The following UBAP2 variants were observed in gnomAD, a reference collection of about 807,000 sequenced individuals.
UBAP2 encodes ubiquitin-associated protein 2.
A neutral mutation model predicts 139.6 loss-of-function variants in UBAP2; 75 were observed. That is an observed-to-expected ratio of 0.54 (90% CI 0.45 to 0.65). UBAP2 has a LOEUF of 0.65. Ranked by LOEUF, UBAP2 falls within the 30% of genes least tolerant of loss-of-function variation. UBAP2 has a pLI of 0.00. For synonymous variants in UBAP2, 526 were observed against 526.2 expected, an observed-to-expected ratio of 1.00 and a Z score of 0.01; for missense variants, 1,368 against 1,369.6, an observed-to-expected ratio of 1.00 and a Z score of 0.02.
rs2130849361 is a variant in UBAP2 at position 33,923,949 on chromosome 9, G to A, written c.2642C>T (p.Thr881Ile). The change falls in exon 24 of 29, where the codon ACC becomes ATC. Residue 881 changes from threonine to isoleucine, a missense_variant. Transcript: ENST00000379238. ...GCTCTGCTGTGGCTGAGCTGGTGTG[G>A]TAGCGGGTGCAGGGGATGCAGAGTC... The part of the protein sequence containing the change: ...RGDSASPAPA[T>I]TPAQPQQSQS... The A allele has an allele frequency of 6.2e-7, 1 of 1,614,162 alleles. No homozygotes were observed. The highest frequency in any genetic ancestry group is 1.3e-5 in the African/African-American group (1 of 75,050).
intron 2 of UBAP2, among the ~76,000 whole-genome samples, chr9:34,006,573 G>A (rs1823237350): frequency 6.6e-6 from 1 of 152,078 alleles, no homozygotes; most frequent in Non-Finnish European, 1.5e-5. Context: ...CTACTCAAGA[G>A]GCTGAGGTAG....
intron 1 of UBAP2, among the ~76,000 whole-genome samples, chr9:34,039,260 C>G (rs1826807865): frequency 6.6e-6 from 1 of 150,930 alleles, no homozygotes; most frequent in Non-Finnish European, 1.5e-5. Context: ...GGCCGCCGCC[C>G]CGTCCGAGAG....
At chr9:33,979,943 C>T (rs1820491127) in intron 6 of UBAP2, among the ~76,000 whole-genome samples, 1 of 149,232 alleles carries the variant, frequency 6.7e-6, no homozygotes, top group Non-Finnish European at 1.5e-5. Flanking sequence ...CATGGTGGCA[C>T]ACTCCTGTAG....
Position 33,988,985 on chromosome 9 carries a change from G to T in UBAP2, c.430C>A (p.Arg144Ser), listed in dbSNP as rs775809130. 1.2e-6 allele frequency: 2 copies of T among 1,612,162 alleles called. No homozygotes were observed. Among genetic ancestry groups the T allele is most frequent in the Admixed American group, 1.7e-5 (1 of 59,414 alleles). Residue 144 changes from arginine (R) to serine (S), a missense_variant, in exon 5 of 29, where the codon CGT (arginine) becomes AGT (serine). Arg to Ser is a moderately radical substitution (Grantham distance 110). Coordinates refer to ENST00000379238, the MANE Select transcript of UBAP2 (RefSeq NM_001370062.2). ...NNNRKGRGGNRGREFRGEENG... is the reference protein window; with the variant it reads ...NNNRKGRGGNSGREFRGEENG... ...AGTCTGTACTTACATTCTCTGCCACGATTGCCGCCTCTTCCTTTCCGGTTG... is the reference window on the plus strand; with the variant it reads ...AGTCTGTACTTACATTCTCTGCCACTATTGCCGCCTCTTCCTTTCCGGTTG...
intron 3 of UBAP2, chr9:33,996,837 C>G (rs78499356): frequency 6.5e-6 from 1 of 153,394 alleles, no homozygotes; most frequent in Non-Finnish European, 1.5e-5. Flanking sequence ...ATAATCAACA[C>G]TTTGGGAGGC....
chr9:33,960,826 A>G lies in UBAP2; in HGVS notation c.798T>C (p.Asp266=). The G allele has an allele frequency of 1.2e-6, 2 of 1,613,522 alleles. No homozygotes were observed. Among genetic ancestry groups the G allele is most frequent in the Non-Finnish European group, 8.5e-7 (1 of 1,179,852 alleles). The change falls in exon 10 of 29, where the codon GAT becomes GAC. Residue 266 remains aspartate (D), a splice_region_variant and synonymous_variant. Transcript: ENST00000379238. ...GTCTCATCTGACAGCAAACACTTACATCTTCAGTCCAGTCTTCTGTTGTCC... is the reference window on the plus strand; with the variant it reads ...GTCTCATCTGACAGCAAACACTTACGTCTTCAGTCCAGTCTTCTGTTGTCC... The part of the protein sequence containing the change: ...EEWTTEDWTE[D]LSETKVFTAS...
chr9:33,961,340 A>G (rs1355076179), intron 9 of UBAP2, among the ~76,000 whole-genome samples: 1 of 152,212 alleles, frequency 6.6e-6, no homozygotes, highest in Non-Finnish European at 1.5e-5. Context: ...TCAAATTTAG[A>G]GAAGCATCCT....
intron 1 of UBAP2, among the ~76,000 whole-genome samples, chr9:34,018,624 G>T (rs1824611135): frequency 6.6e-6 from 1 of 152,188 alleles, no homozygotes; most frequent in African/African-American, 2.4e-5. Flanking sequence ...AGCACTTTGG[G>T]AGGCCAAGGC....
At chr9:33,962,033 A>AAATTAATTAGTGGAATTAATTAATT (rs1394774821) in intron 9 of UBAP2, among the ~76,000 whole-genome samples, 1 of 152,202 alleles carries the variant, frequency 6.6e-6, no homozygotes, top group Non-Finnish European at 1.5e-5. Context: ...TGTCTGAGAA[A>AAATTAATTAGTGGAATTAATTAATT]CCACTAATAC....
chr9:33,996,249 T>A lies in UBAP2; in HGVS notation c.262A>T (p.Ile88Leu). 1.2e-6 allele frequency: 2 copies of A among 1,613,038 alleles called. No homozygotes were observed. Among genetic ancestry groups the A allele is most frequent in the Non-Finnish European group, 1.7e-6 (2 of 1,179,454 alleles). ...GTGTCTGAATTCCCTTCCAGCAATA[T>A]ATTGATAGCTTTGTTCACATCTCCA... ...CNGDVNKAIN[I>L]LLEGNSDTTS... The change falls in exon 4 of 29, where the codon ATA becomes TTA. Residue 88 changes from isoleucine (I) to leucine (L), a missense_variant. By Grantham distance (5) the Ile-to-Leu change is conservative. Transcript: ENST00000379238.
chr9:33,968,305 T>A, intron 8 of UBAP2: 1 of 601,034 alleles, frequency 1.7e-6, no homozygotes, highest in Non-Finnish European at 3.3e-6. Flanking sequence ...CCAAGAAAGC[T>A]ACTGGCCTCT....
rs563014365 is a variant in UBAP2 at position 33,992,888 on chromosome 9, G to A, written c.288+3335C>T. Reference sequence around the variant, plus strand: ...AACAGGTCTGAAGAAACTCTAAGAGGAGAGGTCCTCCCAGCCACCACATAA... The same window carrying A: ...AACAGGTCTGAAGAAACTCTAAGAGAAGAGGTCCTCCCAGCCACCACATAA... On this transcript the variant is annotated intron_variant, in intron 4 of 28. Transcript: ENST00000379238. 4.6e-5 allele frequency among the ~76,000 whole-genome samples: 7 copies of A among 152,248 alleles called. No homozygotes were observed. The South Asian group carries it at 1.2e-3, about 27-fold the overall frequency.
intron 1 of UBAP2, among the ~76,000 whole-genome samples, chr9:34,035,433 T>C (rs1279349612): frequency 7.2e-6 from 1 of 139,412 alleles, no homozygotes; most frequent in Non-Finnish European, 1.5e-5. Context: ...ACCTGGGAGG[T>C]GGAGGTTGCA....
At chr9:34,006,494 A>G (rs1308927178) in intron 2 of UBAP2, among the ~76,000 whole-genome samples, 1 of 152,118 alleles carries the variant, frequency 6.6e-6, no homozygotes, top group Non-Finnish European at 1.5e-5. Flanking sequence ...AGCCTGTGCA[A>G]CACAACAAAA....
intron 10 of UBAP2, among the ~76,000 whole-genome samples, chr9:33,959,105 G>A (rs1441865182): frequency 6.6e-6 from 1 of 151,738 alleles, no homozygotes; most frequent in Non-Finnish European, 1.5e-5. Flanking sequence ...CCAAGATCGT[G>A]CCTCTGCACT....
chr9:33,954,265 T>C, intron 11 of UBAP2, among the ~76,000 whole-genome samples: 1 of 121,210 alleles, frequency 8.3e-6, no homozygotes, highest in East Asian at 2.2e-4. Flanking sequence ...TAAGTGTGTG[T>C]ATATACACAC....
At chr9:33,971,447 A>C (rs1031544306) in intron 8 of UBAP2, among the ~76,000 whole-genome samples, 4 of 152,194 alleles carry the variant, frequency 2.6e-5, no homozygotes, top group Non-Finnish European at 5.9e-5. Flanking sequence ...AGAAGGGAAA[A>C]TCAAATTCCT....
At chr9:34,035,514 A>AAAAAAATATATATATATATATATAT in intron 1 of UBAP2, among the ~76,000 whole-genome samples, 3 of 22,490 alleles carry the variant, frequency 1.3e-4, no homozygotes, top group African/African-American at 1.3e-4. Context: ...AAAAAAAAAA[A>AAAAAAATATATATATATATATATAT]ATATATATAT....
intron 6 of UBAP2, among the ~76,000 whole-genome samples, chr9:33,978,927 C>T (rs187839889): frequency 1.3e-5 from 2 of 152,188 alleles, no homozygotes; most frequent in African/African-American, 4.8e-5. Context: ...AGGAAACCAA[C>T]CCCTGTAACT....
Sources: allele counts gnomAD v4.1 joint callset (sites outside exome capture counted in the v4.1 genomes callset), GRCh38; gene constraint gnomAD v4.1.1; transcripts MANE v1.5; gene names NCBI Gene and HGNC (gene_info 2026-07-23, HGNC 2026-07-21).